PHACTR1: variants seen among roughly 807,000 people sequenced by gnomAD.
The protein encoded by PHACTR1 is phosphatase and actin regulator 1.
PHACTR1 carries 16 observed loss-of-function variants against 69.2 expected under a neutral mutation model. The observed-to-expected ratio is 0.23, with a 90% confidence interval of 0.16 to 0.35. PHACTR1 has a LOEUF of 0.35. Ranked by LOEUF, PHACTR1 falls within the 10% of genes least tolerant of loss-of-function variation. PHACTR1 has a pLI of 1.00. For synonymous variants in PHACTR1, 312 were observed against 284.5 expected (o/e 1.10, Z -0.97); for missense variants, 510 against 734.7 (o/e 0.69, Z 3.54).
chr6:13,276,128 A>G (rs1778845200), intron 11 of PHACTR1: 1 of 151,692 alleles, frequency 6.6e-6, no homozygotes, highest in Non-Finnish European at 1.5e-5. Context: ...TGCATTAAAA[A>G]AAAAAAAAAC....
At chr6:13,144,956 G>A (rs113931080) in intron 5 of PHACTR1, among the ~76,000 whole-genome samples, 1,620 of 152,138 alleles carry the variant, frequency 0.011, 23 homozygotes, top group African/African-American at 0.034. Flanking sequence ...ATAAGAAAGT[G>A]CCTAGATTTC....
In PHACTR1 at chr6:13,051,891, C is replaced by T. The variant is rs142680852; in HGVS notation, c.251-1474C>T. On this transcript the variant is annotated intron_variant, in intron 4 of 14. Coordinates refer to ENST00000332995, the MANE Select transcript of PHACTR1 (RefSeq NM_030948.6). ...GCAGAGATTTAAGTGGCCACTTAAT[C>T]AAATGATTGAAAAGAGGAGCTCCCA... Among the ~76,000 whole-genome samples, 603 of 152,240 alleles carry T rather than the reference C, an allele frequency of 4.0e-3. 3 individuals carry two copies. Among genetic ancestry groups the T allele is most frequent in the African/African-American group, 0.014 (578 of 41,528 alleles).
At chr6:12,733,079 CT>C (rs1181843096) in intron 3 of PHACTR1, among the ~76,000 whole-genome samples, 1 of 152,174 alleles carries the variant, frequency 6.6e-6, no homozygotes, top group East Asian at 1.9e-4. Context: ...TTTTTATGTT[CT>C]TTCCCCTCCA....
At chr6:12,936,637 A>G (rs191962313) in intron 4 of PHACTR1, among the ~76,000 whole-genome samples, 2 of 152,370 alleles carry the variant, frequency 1.3e-5, no homozygotes, top group Admixed American at 1.3e-4. Context: ...TGGTGCATTA[A>G]TGCACTTTTC....
intron 8 of PHACTR1, among the ~76,000 whole-genome samples, chr6:13,210,602 C>T (rs149122532): frequency 6.6e-6 from 1 of 152,082 alleles, no homozygotes; most frequent in African/African-American, 2.4e-5. Flanking sequence ...TGACCCAAAG[C>T]GTATGGCTCA....
intron 10 of PHACTR1, among the ~76,000 whole-genome samples, chr6:13,235,355 C>T (rs577065960): frequency 6.6e-6 from 1 of 152,304 alleles, no homozygotes; most frequent in Non-Finnish European, 1.5e-5. Context: ...TTATTCCCAC[C>T]AGAGTAATGT....
At chr6:12,958,119 G>T in intron 4 of PHACTR1, 1 of 826,066 alleles carries the variant, frequency 1.2e-6, no homozygotes, top group Non-Finnish European at 1.5e-6. Context: ...TGCTTTGTTC[G>T]GTTTAGAGAA....
intron 5 of PHACTR1, among the ~76,000 whole-genome samples, chr6:13,083,168 G>T (rs1219482522): frequency 6.6e-6 from 1 of 152,164 alleles, no homozygotes; most frequent in Admixed American, 6.5e-5. Context: ...CATATGACTA[G>T]CCAGTTTTCC....
intron 10 of PHACTR1, among the ~76,000 whole-genome samples, chr6:13,263,162 T>C (rs1318405498): frequency 6.6e-6 from 1 of 151,922 alleles, no homozygotes; most frequent in African/African-American, 2.4e-5. Flanking sequence ...ATTTAAAGCA[T>C]CTTGCCACTA....
chr6:12,973,185 T>C (rs963443595), intron 4 of PHACTR1, among the ~76,000 whole-genome samples: 1 of 152,172 alleles, frequency 6.6e-6, no homozygotes, highest in Non-Finnish European at 1.5e-5. Flanking sequence ...AACCCTTTGT[T>C]TAAAAGGAGT....
chr6:13,133,530 C>T (rs1157258905), intron 5 of PHACTR1, among the ~76,000 whole-genome samples: 4 of 152,108 alleles, frequency 2.6e-5, no homozygotes, highest in Non-Finnish European at 5.9e-5. Flanking sequence ...CTCCTAACCG[C>T]AAGTGATCTG....
Position 13,286,236 on chromosome 6 carries a change from GTT to G in PHACTR1, c.1727+23_1727+24del. The G allele has an allele frequency of 7.0e-7, 1 of 1,438,232 alleles. No homozygotes were observed. The highest frequency in any genetic ancestry group is 9.3e-7 in the Non-Finnish European group (1 of 1,072,350). The allele number at this position is 1,438,232 out of a possible 1,614,324, so 89.1% of individuals were successfully genotyped here. Reference sequence around the variant, plus strand: ...ACACTTAACAAGGTTAGTATTAAGGGTTTTTTTTTTCCTTTTTTTCCCTCAAG... The same window carrying G: ...ACACTTAACAAGGTTAGTATTAAGGGTTTTTTTTCCTTTTTTTCCCTCAAG... On this transcript the variant is annotated intron_variant, in intron 14 of 14. Transcript: ENST00000332995.
At chr6:13,185,106 G>T in intron 7 of PHACTR1, 1 of 948,138 alleles carries the variant, frequency 1.1e-6, no homozygotes, top group Non-Finnish European at 1.4e-6. Flanking sequence ...CAGCTCTCTG[G>T]GGAGGTTGCC....
intron 10 of PHACTR1, among the ~76,000 whole-genome samples, chr6:13,259,160 A>C (rs1405627103): frequency 2.6e-5 from 4 of 152,182 alleles, no homozygotes; most frequent in Admixed American, 6.5e-5. Flanking sequence ...TGACTGTCTT[A>C]ATTTCTGTTG....
chr6:12,937,517 C>G (rs1013362443), intron 4 of PHACTR1, among the ~76,000 whole-genome samples: 1 of 152,088 alleles, frequency 6.6e-6, no homozygotes, highest in African/African-American at 2.4e-5. Flanking sequence ...AGTCCCTAGC[C>G]TCAGAGGGCT....
At chr6:13,132,328 C>T (rs1388470757) in intron 5 of PHACTR1, among the ~76,000 whole-genome samples, 1 of 152,198 alleles carries the variant, frequency 6.6e-6, no homozygotes, top group Non-Finnish European at 1.5e-5. Context: ...GCTCCCTCCT[C>T]TAAGCCCATA....
intron 3 of PHACTR1, among the ~76,000 whole-genome samples, chr6:12,729,505 C>T (rs895148529): frequency 1.2e-4 from 19 of 152,112 alleles, no homozygotes; most frequent in African/African-American, 3.1e-4. Flanking sequence ...GAGAACTGCA[C>T]GTGTTAGACT....
intron 4 of PHACTR1, among the ~76,000 whole-genome samples, chr6:12,885,766 G>A (rs780975724): frequency 2.0e-5 from 3 of 152,178 alleles, no homozygotes; most frequent in East Asian, 1.9e-4. Flanking sequence ...GCAGGCACAC[G>A]GAATAAGATC....
intron 7 of PHACTR1, among the ~76,000 whole-genome samples, chr6:13,189,782 G>A (rs1365882295): frequency 6.6e-6 from 1 of 152,034 alleles, no homozygotes; most frequent in Non-Finnish European, 1.5e-5. Context: ...TTGAAAATCG[G>A]CCCCTTTGTT....
Sources: gnomAD v4.1 joint callset for allele counts (sites outside exome capture counted in the v4.1 genomes callset) on GRCh38, gnomAD v4.1.1 for gene constraint, MANE v1.5 for transcripts, NCBI Gene and HGNC (gene_info 2026-07-23, HGNC 2026-07-21) for gene names.